EIF3M: variants seen among roughly 807,000 people sequenced by gnomAD.
The protein encoded by EIF3M is eukaryotic translation initiation factor 3 subunit M.
EIF3M carries 25 observed loss-of-function variants against 49.7 expected under a neutral mutation model. The observed-to-expected ratio is 0.50, with a 90% CI of 0.37 to 0.70. The LOEUF is 0.70. Ranked by LOEUF, EIF3M falls within the 30% of genes least tolerant of loss-of-function variation. EIF3M has a pLI of 0.00. For missense variants in EIF3M, 350 were observed against 440.0 expected (o/e 0.80, Z 1.83); for synonymous variants, 156 against 149.8 (o/e 1.04, Z -0.30).
intron 8 of EIF3M, among the ~76,000 whole-genome samples, chr11:32,596,451 C>T (rs540776797): frequency 2.0e-5 from 3 of 151,882 alleles, no homozygotes; most frequent in South Asian, 4.2e-4. Context: ...AAAAATTAGC[C>T]GGGCGCGGTG....
chr11:32,601,078 A>C, intron 9 of EIF3M: 1 of 294,034 alleles, frequency 3.4e-6, no homozygotes. Flanking sequence ...ACTGTGGTTA[A>C]GAGCACAGAT....
At chr11:32,593,811 AAATG>A in intron 5 of EIF3M, 51 bp from the exon 6 acceptor site, 1 of 1,122,856 alleles carries the variant, frequency 8.9e-7, no homozygotes, top group South Asian at 2.0e-5. Context: ...AAAATATTTT[AAATG>A]AATGAATAGC....
chr11:32,595,368 T>G (rs535195587), intron 7 of EIF3M, among the ~76,000 whole-genome samples: 1 of 152,274 alleles, frequency 6.6e-6, no homozygotes, highest in South Asian at 2.1e-4. Flanking sequence ...TAGCTGGGAT[T>G]ACAGGCACAT....
intron 6 of EIF3M, chr11:32,594,398 T>G (rs1855149195): frequency 6.4e-6 from 1 of 155,310 alleles, no homozygotes; most frequent in Non-Finnish European, 1.4e-5. Context: ...AACTTCTTTT[T>G]TTGGTCATTG....
intron 4 of EIF3M, among the ~76,000 whole-genome samples, 200 bp downstream of exon 4, chr11:32,589,335 C>A (rs1412281716): frequency 1.3e-5 from 2 of 152,156 alleles, no homozygotes; most frequent in Non-Finnish European, 2.9e-5. Flanking sequence ...CGCCACCACG[C>A]CCGGCTAATG....
At position 32,605,806 on chromosome 11, in the gene EIF3M, C is replaced by G. The variant is rs869152008; in HGVS notation, c.*3407C>G. 6.6e-6 allele frequency: 1 copy of G among 151,826 alleles called. No homozygotes were observed. The highest frequency in any genetic ancestry group is 2.4e-5 in the African/African-American group (1 of 41,300). 9.4% of individuals were successfully genotyped at this position (151,826 alleles called of 1,614,324 possible). ...GCAGCCTACCGCAGTAATTTTAGTT[C>G]TAGCTGTTTTCAGATATATTGCCTT... On this transcript the variant is annotated 3_prime_UTR_variant, in exon 11 of 11. Transcript: ENST00000531120.
At position 32,602,933 on chromosome 11, in the gene EIF3M, A is replaced by G. The variant is rs1294467053; in HGVS notation, c.*534A>G. On this transcript the variant is annotated 3_prime_UTR_variant, in exon 11 of 11. Transcript: ENST00000531120. The stretch of plus-strand genomic sequence containing the variant: ...AGTTGATTCGTAATGAGGCTCTGCC[A>G]GTCATCATCACCAGAAGTATTTTTA... 6.2e-6 allele frequency: 10 copies of G among 1,613,380 alleles called. No individual in the cohort carries two copies. The highest frequency in any genetic ancestry group is 1.6e-4 in the Middle Eastern group (1 of 6,078).
Position 32,602,882 on chromosome 11 carries a change from A to AACTT in EIF3M, c.*485_*488dup, listed in dbSNP as rs746316423. 1 of 1,611,824 alleles carries AACTT rather than the reference A, an allele frequency of 6.2e-7. No homozygotes were observed. The highest frequency in any genetic ancestry group is 1.3e-5 in the African/African-American group (1 of 74,704). ...TTCTTTGGCTGGTTGTCATTTTCTA[A>AACTT]ACTTAGTAAATTTTCACTTTTATTT... On this transcript the variant is annotated 3_prime_UTR_variant, in exon 11 of 11. Transcript: ENST00000531120.
intron 8 of EIF3M, among the ~76,000 whole-genome samples, chr11:32,599,626 A>G (rs191277083): frequency 1.3e-5 from 2 of 152,136 alleles, no homozygotes; most frequent in East Asian, 3.9e-4. Context: ...AAAAGTTCAG[A>G]GAAAAGGAAC....
intron 9 of EIF3M, 152 bp downstream of exon 9, chr11:32,600,984 T>A: frequency 1.0e-6 from 1 of 1,002,162 alleles, no homozygotes; most frequent in Non-Finnish European, 1.4e-6. Context: ...ATATTTGTTG[T>A]AGGGTGAAAA....
chr11:32,589,428 G>C, intron 4 of EIF3M, 119 bp from the exon 5 acceptor site: 1 of 1,015,472 alleles, frequency 9.8e-7, no homozygotes, highest in South Asian at 1.6e-5. Flanking sequence ...CTCCTGCCTT[G>C]GCCTCCCAAA....
In EIF3M at chr11:32,605,247, T is replaced by C. The variant is rs1313389687; in HGVS notation, c.*2848T>C. 6.6e-6 allele frequency: 1 copy of C among 151,720 alleles called. No homozygotes were observed. The highest frequency in any genetic ancestry group is 1.5e-5 in the Non-Finnish European group (1 of 67,966). 9.4% of individuals were successfully genotyped at this position (151,720 alleles called of 1,614,324 possible). On this transcript the variant is annotated 3_prime_UTR_variant, in exon 11 of 11. Transcript: ENST00000531120. ...AAGGAGTGTTCCTTTTGGATTGCTC[T>C]GTTTGGCTCCCTCCCTGAAATCCTA...
In EIF3M at chr11:32,603,735, A is replaced by C. The variant is rs1386188633; in HGVS notation, c.*1336A>C. The C allele has an allele frequency of 6.6e-6, 1 of 152,198 alleles. No homozygotes were observed. The highest frequency in any genetic ancestry group is 1.5e-5 in the Non-Finnish European group (1 of 68,036). The allele number at this position is 152,198 out of a possible 1,614,324, so 9.4% of individuals were successfully genotyped here. A position where few individuals can be genotyped will look rare whatever the true frequency, so the allele number is the denominator to read the frequency against. ...AATTCGAGTTAATTTCATGCAAAAC[A>C]ATCTTTGATGTTTTTGAGAGATTCC... On this transcript the variant is annotated 3_prime_UTR_variant, in exon 11 of 11. Coordinates refer to ENST00000531120, the MANE Select transcript of EIF3M (RefSeq NM_006360.6).
At position 32,593,724 on chromosome 11, in the gene EIF3M, A is replaced by ATGACCT. The variant is rs1480337282; in HGVS notation, c.534-138_534-137insCTTGAC. The ATGACCT allele has an allele frequency of 8.8e-6, 4 of 455,962 alleles. No homozygotes were observed. The Middle Eastern group carries it at 1.2e-3, about 140-fold the overall frequency. 28.2% of individuals were successfully genotyped at this position (455,962 alleles called of 1,614,324 possible). On this transcript the variant is annotated intron_variant, in intron 5 of 10. Coordinates refer to ENST00000531120, the MANE Select transcript of EIF3M (RefSeq NM_006360.6). ...TCTTTCCTACTAAAAGGAAGGTTTT[A>ATGACCT]TGACTTTTCCCATAGACAGGGACTT... is the stretch of plus-strand genomic sequence containing the variant.
In EIF3M at chr11:32,583,866, C is replaced by G; in HGVS notation, c.-22C>G. The G allele has an allele frequency of 6.2e-7, 1 of 1,611,538 alleles. No individual in the cohort carries two copies. The highest frequency in any genetic ancestry group is 1.1e-5 in the South Asian group (1 of 90,816). On this transcript the variant is annotated 5_prime_UTR_variant, in exon 1 of 11. Transcript: ENST00000531120. ...CGGCGTGGTCTTGCGAGTGGAGTGTCCGCTGTGCCCGGGCCTGCACCATGA... is the reference window on the plus strand; with the variant it reads ...CGGCGTGGTCTTGCGAGTGGAGTGTGCGCTGTGCCCGGGCCTGCACCATGA...
At chr11:32,589,678 G>A in intron 5 of EIF3M, 37 bp downstream of exon 5, 2 of 1,578,400 alleles carry the variant, frequency 1.3e-6, no homozygotes. Flanking sequence ...TCACTTAACA[G>A]ACAGTATAAG....
chr11:32,588,919 C>G (rs374272570), intron 3 of EIF3M, 93 bp from the exon 4 acceptor site: 41 of 1,544,750 alleles, frequency 2.7e-5, no homozygotes, highest in Admixed American at 7.7e-5. Context: ...AAGTTGTTAA[C>G]GGTACCTGCC....
intron 5 of EIF3M, among the ~76,000 whole-genome samples, chr11:32,589,869 T>TA (rs1041377953): frequency 6.6e-6 from 1 of 152,258 alleles, no homozygotes; most frequent in African/African-American, 2.4e-5. Context: ...GCTTTTTTTC[T>TA]AAAAAAAGAA....
At chr11:32,592,189 C>T in intron 5 of EIF3M, 1 of 358,794 alleles carries the variant, frequency 2.8e-6, no homozygotes, top group South Asian at 2.3e-5. Flanking sequence ...CCAAAGTTTC[C>T]TCCACAACCC....
Sources: allele counts gnomAD v4.1 joint callset (sites outside exome capture counted in the v4.1 genomes callset), GRCh38; gene constraint gnomAD v4.1.1; transcripts MANE v1.5; gene names NCBI Gene and HGNC (gene_info 2026-07-23, HGNC 2026-07-21).